OVCH1: variants seen among roughly 807,000 people sequenced by gnomAD.
The protein encoded by OVCH1 is ovochymase-1.
In OVCH1, 139 loss-of-function variants were observed where a neutral mutation model predicts 138.4. The ratio of observed to expected loss-of-function variants is 1.00; its 90% confidence interval spans 0.87 to 1.16. The LOEUF (loss-of-function observed/expected upper bound fraction) is 1.16. Among genes scored for constraint, OVCH1 ranks in the 50% most tolerant of loss-of-function variants. The pLI is 0.00. For missense variants in OVCH1, 1,367 were observed against 1,357.9 expected (o/e 1.01, Z -0.11); for synonymous variants, 453 against 467.8 (o/e 0.97, Z 0.41).
chr12:29,467,788 A>C (rs1268413023), intron 16 of OVCH1, among the ~76,000 whole-genome samples: 1 of 152,186 alleles, frequency 6.6e-6, no homozygotes, highest in Non-Finnish European at 1.5e-5. Context: ...CCATCAGGAA[A>C]TTCTCAGGCC....
chr12:29,437,406 T>C (rs972453197), intron 26 of OVCH1, among the ~76,000 whole-genome samples: 4 of 152,166 alleles, frequency 2.6e-5, no homozygotes, highest in Non-Finnish European at 5.9e-5. Context: ...CTAAAGAAAA[T>C]CCCTCAGTGT....
In OVCH1 at chr12:29,455,417, A is replaced by G; in HGVS notation, c.2281-12T>C. On this transcript the variant is annotated splice_polypyrimidine_tract_variant and intron_variant, in intron 19 of 27. Coordinates refer to ENST00000318184, the Ensembl canonical transcript of OVCH1. ...CCACCAGAGTCTCCCTGAAACACCA[A>G]GAAAACATGTTTTAGAAAACTGCTT... is the stretch of plus-strand genomic sequence containing the variant. The G allele has an allele frequency of 6.3e-7, 1 of 1,586,538 alleles. No homozygotes were observed. Among genetic ancestry groups the G allele is most frequent in the Non-Finnish European group, 8.6e-7 (1 of 1,168,960 alleles).
chr12:29,455,684 C>T (rs1941929439), intron 19 of OVCH1, among the ~76,000 whole-genome samples: 2 of 152,088 alleles, frequency 1.3e-5, no homozygotes, highest in Admixed American at 6.6e-5. Context: ...CCAGCCCCAT[C>T]GGAGGGAGAT....
At chr12:29,433,557 A>G (rs1042044499) in intron 27 of OVCH1, among the ~76,000 whole-genome samples, 1 of 152,158 alleles carries the variant, frequency 6.6e-6, no homozygotes, top group African/African-American at 2.4e-5. Flanking sequence ...ATATTTTTAT[A>G]TGATTATTGA....
the OVCH1 span, among the ~76,000 whole-genome samples, chr12:29,406,160 G>C: frequency 2.0e-5 from 3 of 151,794 alleles, no homozygotes; most frequent in Non-Finnish European, 4.4e-5. Flanking sequence ...AGTACAATTG[G>C]AGAGTAATTA....
downstream of OVCH1, among the ~76,000 whole-genome samples, chr12:29,410,397 C>A (rs530372295): frequency 1.1e-3 from 171 of 151,410 alleles, no homozygotes; most frequent in African/African-American, 3.8e-3. Context: ...GCAGTTTCTT[C>A]CTAGTCTTGA....
At chr12:29,488,230 C>T (rs1565611902) in intron 6 of OVCH1, among the ~76,000 whole-genome samples, 1 of 151,962 alleles carries the variant, frequency 6.6e-6, no homozygotes, top group Non-Finnish European at 1.5e-5. Context: ...AGCTTGTCAC[C>T]TGGAATTGCT....
chr12:29,471,932 C>G (rs768768201), exon 16 of OVCH1: 3 of 1,613,214 alleles, frequency 1.9e-6, no homozygotes, highest in Non-Finnish European at 2.5e-6. Context: ...TCCCCTCCTG[C>G]GATTCTTCTG....
At chr12:29,486,789 G>A (rs1943120720) in intron 7 of OVCH1, 2 of 376,294 alleles carry the variant, frequency 5.3e-6, no homozygotes, top group Admixed American at 3.2e-5. Context: ...TCACTGAAAT[G>A]AACCATTAAT....
chr12:29,402,447 G>T, the OVCH1 span, among the ~76,000 whole-genome samples: 1 of 152,106 alleles, frequency 6.6e-6, no homozygotes, highest in African/African-American at 2.4e-5. Context: ...GAAAGGAAAG[G>T]TTGAGAGAAA....
intron 16 of OVCH1, among the ~76,000 whole-genome samples, chr12:29,465,740 AAT>A (rs1942293226): frequency 6.6e-6 from 1 of 152,120 alleles, no homozygotes; most frequent in African/African-American, 2.4e-5. Flanking sequence ...AACCTTGCCA[AAT>A]ATCACCAAAG....
chr12:29,484,725 T>G (rs1943039980), intron 8 of OVCH1, among the ~76,000 whole-genome samples: 2 of 152,176 alleles, frequency 1.3e-5, no homozygotes, highest in African/African-American at 4.8e-5. Flanking sequence ...ATTATGAGAA[T>G]AGTAGTCTCC....
intron 23 of OVCH1, 48 bp downstream of exon 23, chr12:29,445,230 A>AT (rs777839653): frequency 1.3e-6 from 2 of 1,517,580 alleles, no homozygotes; most frequent in Non-Finnish European, 1.8e-6. Flanking sequence ...AAATAGAGTA[A>AT]TATTGATTTC....
downstream of OVCH1, among the ~76,000 whole-genome samples, chr12:29,408,635 G>A (rs1480130471): frequency 7.8e-6 from 1 of 128,032 alleles, no homozygotes; most frequent in Non-Finnish European, 1.7e-5. Flanking sequence ...TATTGAACCA[G>A]CCTTGCATCC....
chr12:29,495,311 A>C, exon 4 of OVCH1: 2 of 1,612,396 alleles, frequency 1.2e-6, no homozygotes, highest in Non-Finnish European at 1.7e-6. Context: ...TTTTAGATAC[A>C]GCAGTGCAAT....
At chr12:29,412,081 A>C (rs771204752), downstream of OVCH1, among the ~76,000 whole-genome samples, 1 of 152,066 alleles carries the variant, frequency 6.6e-6, no homozygotes, top group Non-Finnish European at 1.5e-5. Context: ...GCAATCAGCG[A>C]GACTCCATGG....
exon 7 of OVCH1, chr12:29,487,847 A>T: frequency 6.2e-7 from 1 of 1,612,170 alleles, no homozygotes; most frequent in Admixed American, 1.7e-5. Flanking sequence ...AGATTCCACC[A>T]CCTCTTCTAC....
chr12:29,436,731 A>G (rs1941367805), intron 26 of OVCH1, among the ~76,000 whole-genome samples: 2 of 147,574 alleles, frequency 1.4e-5, no homozygotes, highest in South Asian at 4.3e-4. Flanking sequence ...AGCTCTTAAA[A>G]GTGGCGCATC....
intron 8 of OVCH1, 43 bp from the exon 10 acceptor site, chr12:29,479,011 T>C: frequency 1.4e-6 from 1 of 696,428 alleles, no homozygotes; most frequent in Non-Finnish European, 2.2e-6. Context: ...AATGGAAGAG[T>C]CAGATTTGCT....
Sources: allele counts gnomAD v4.1 joint callset (sites outside exome capture counted in the v4.1 genomes callset), GRCh38; gene constraint gnomAD v4.1.1; transcripts MANE v1.5; gene names NCBI Gene and HGNC (gene_info 2026-07-23, HGNC 2026-07-21).